Variants in CYP4F3 observed in about 807,000 individuals in gnomAD.
CYP4F3 encodes cytochrome P450 4F3.
Under a neutral mutation model 54.8 loss-of-function variants are expected in CYP4F3, and 50 were observed. The observed-to-expected ratio is 0.91, with a 90% CI of 0.73 to 1.16. The LOEUF (loss-of-function observed/expected upper bound fraction) is 1.16, where lower values mean the gene tolerates loss of function less well. Ranked by LOEUF, CYP4F3 falls within the 50% of genes most tolerant of loss-of-function variation. The pLI is 0.00. For missense variants in CYP4F3, 715 were observed against 676.2 expected, an observed-to-expected ratio of 1.06 and a Z score of -0.64; for synonymous variants, 244 against 262.6, an observed-to-expected ratio of 0.93 and a Z score of 0.69.
intron 5 of CYP4F3, among the ~76,000 whole-genome samples, chr19:15,648,668 A>G (rs1972699005): frequency 1.3e-5 from 2 of 152,288 alleles, no homozygotes; most frequent in Middle Eastern, 3.4e-3. Flanking sequence ...TGATACGAGT[A>G]TATATTGTCT....
In CYP4F3 at chr19:15,658,712, TG is replaced by T. The variant is rs1568404072; in HGVS notation, c.1315-13del. On this transcript the variant is annotated splice_polypyrimidine_tract_variant and intron_variant, in intron 11 of 12. Coordinates refer to ENST00000221307, the MANE Select transcript of CYP4F3 (RefSeq NM_000896.3). ...GGAGACCCCACCCGGCAACCCTTCT[TG>T]GTCTCGCCTCCAGGTCTATGACCCC... is the stretch of plus-strand genomic sequence containing the variant. 6.2e-7 allele frequency: 1 copy of T among 1,613,876 alleles called. No homozygotes were observed.
intron 2 of CYP4F3, among the ~76,000 whole-genome samples, chr19:15,643,586 G>A (rs1972538651): frequency 6.6e-6 from 1 of 152,152 alleles, no homozygotes; most frequent in African/African-American, 2.4e-5. Flanking sequence ...GACACTGGTT[G>A]TGTAACTGAG....
At chr19:15,654,133 T>C (rs1178699776) in intron 9 of CYP4F3, among the ~76,000 whole-genome samples, 1 of 152,166 alleles carries the variant, frequency 6.6e-6, no homozygotes, top group African/African-American at 2.4e-5. Context: ...TGTCTTGGAC[T>C]CAGTGTCCTC....
rs540277380 is a variant in CYP4F3 at position 15,649,080 on chromosome 19, G to T, written c.526-80G>T. Reference sequence around the variant, plus strand: ...AAGATGAAGAGGCTTATTCTGGGGCGTGCATATTGATTGTTGGGGTTGGAG... The same window carrying T: ...AAGATGAAGAGGCTTATTCTGGGGCTTGCATATTGATTGTTGGGGTTGGAG... On this transcript the variant is annotated intron_variant, in intron 5 of 12. Coordinates refer to ENST00000221307, the MANE Select transcript of CYP4F3 (RefSeq NM_000896.3). The T allele has an allele frequency of 1.3e-4, 209 of 1,587,826 alleles. No individual in the cohort carries two copies. In the African/African-American group the frequency reaches 2.1e-3, roughly 16 times the overall value.
intron 7 of CYP4F3, 132 bp downstream of exon 7, chr19:15,650,315 T>A: frequency 6.4e-7 from 1 of 1,563,652 alleles, no homozygotes; most frequent in Non-Finnish European, 8.7e-7. Context: ...GAGGGACAGG[T>A]CAGAGATAGG....
chr19:15,642,647 G>C (rs1384796064), intron 2 of CYP4F3, among the ~76,000 whole-genome samples: 6 of 152,222 alleles, frequency 3.9e-5, no homozygotes, highest in Non-Finnish European at 5.9e-5. Flanking sequence ...TCTGTGAGTG[G>C]ACAGTGTGTC....
rs1568397952 is a variant in CYP4F3, at chr19:15,650,722, T to TTCTTTCTCTCTTTCTTTC, written c.918+546_918+547insCTCTTTCTTTCTCTTTCT. Among the ~76,000 whole-genome samples, 6 of 46,730 alleles carry TTCTTTCTCTCTTTCTTTC rather than the reference T, an allele frequency of 1.3e-4. 1 individual carries two copies. The highest frequency in any genetic ancestry group is 5.0e-4 in the Admixed American group (2 of 4,008). 30.7% of individuals were successfully genotyped at this position (46,730 alleles called of 152,430 possible). ...TTTCTTTCTTTCTTTCTTTCTTTCTTTCTTTCTTTCTTTCTTTTCCTTCCT... is the reference window on the plus strand; with the variant it reads ...TTTCTTTCTTTCTTTCTTTCTTTCTTTCTTTCTCTCTTTCTTTCTCTTTCTTTCTTTCTTTTCCTTCCT... On this transcript the variant is annotated intron_variant, in intron 7 of 12. Transcript: ENST00000221307.
Position 15,662,509 on chromosome 19 carries a change from A to C in CYP4F3, c.*3124A>C, listed in dbSNP as rs1017910893. ...CTTCAACTACATTTTTTCCCCAATA[A>C]TTTTTGGCTATTCTGCTTCCTTTGT... On this transcript the variant is annotated 3_prime_UTR_variant, in exon 13 of 13. Transcript: ENST00000221307. The C allele has an allele frequency of 2.0e-5, 3 of 151,776 alleles. No individual in the cohort carries two copies. Among genetic ancestry groups the C allele is most frequent in the African/African-American group, 7.3e-5 (3 of 41,276 alleles). 9.4% of individuals were successfully genotyped at this position (151,776 alleles called of 1,614,324 possible).
intron 3 of CYP4F3, 48 bp from the exon 4 acceptor site, chr19:15,647,004 C>T (rs751349261): frequency 6.2e-7 from 1 of 1,609,134 alleles, no homozygotes; most frequent in Non-Finnish European, 8.5e-7. Flanking sequence ...CCCCAAAGTT[C>T]CTCCTTCACC....
In CYP4F3 at chr19:15,660,999, G is replaced by T. The variant is rs28371521; in HGVS notation, c.*1614G>T. The T allele has an allele frequency of 0.069, 10,509 of 152,202 alleles. 437 individuals are homozygous for T. Among genetic ancestry groups the T allele is most frequent in the South Asian group, 0.19 (926 of 4,816 alleles). The allele number at this position is 152,202 out of a possible 1,614,324, so 9.4% of individuals were successfully genotyped here. On this transcript the variant is annotated 3_prime_UTR_variant, in exon 13 of 13. Coordinates refer to ENST00000221307, the MANE Select transcript of CYP4F3 (RefSeq NM_000896.3). ...CCCAAAGTGCTGGGATTACAGGCCC[G>T]GTCCAGTTTGATAGTTTGTTATCAT...
At chr19:15,651,001 G>A (rs1020037985) in intron 7 of CYP4F3, among the ~76,000 whole-genome samples, 4 of 149,882 alleles carry the variant, frequency 2.7e-5, no homozygotes, top group Admixed American at 6.7e-5. Context: ...TCAGCCTCCC[G>A]AGTAGCTAGG....
chr19:15,651,647 A>G (rs918593526), intron 7 of CYP4F3, among the ~76,000 whole-genome samples: 1 of 151,124 alleles, frequency 6.6e-6, no homozygotes, highest in African/African-American at 2.4e-5. Flanking sequence ...GCACCCGGCC[A>G]TATTTTTGTC....
chr19:15,644,770 G>A (rs1972575439), intron 2 of CYP4F3, among the ~76,000 whole-genome samples: 1 of 152,180 alleles, frequency 6.6e-6, no homozygotes, highest in Non-Finnish European at 1.5e-5. Context: ...CCCTCTCCTT[G>A]ACCCCTGTGC....
intron 2 of CYP4F3, chr19:15,643,773 C>G: frequency 1.7e-6 from 2 of 1,179,004 alleles, no homozygotes; most frequent in Non-Finnish European, 2.2e-6. Flanking sequence ...CTCAGTTTAC[C>G]AAATTGAATG....
rs750565828 is a variant in CYP4F3, at chr19:15,650,023, G to C, written c.758G>C (p.Gly253Ala). The C allele has an allele frequency of 1.5e-5, 24 of 1,614,158 alleles. No individual in the cohort carries two copies. Among genetic ancestry groups the C allele is most frequent in the Non-Finnish European group, 1.8e-5 (21 of 1,180,022 alleles). ...IDFLYYLTPD[G>A]QRFRRACRLV... ...TTCCTGTATTATCTCACCCCTGATG[G>C]GCAGCGTTTCCGCAGGGCCTGCCGC... is the stretch of plus-strand genomic sequence containing the variant. Residue 253 changes from glycine (G) to alanine (A), a missense_variant, in exon 7 of 13, where the codon GGG (glycine) becomes GCG (alanine). By Grantham distance (60) the Gly-to-Ala change is moderately conservative. Coordinates refer to ENST00000221307, the MANE Select transcript of CYP4F3 (RefSeq NM_000896.3).
In CYP4F3 at chr19:15,647,266, A is replaced by G; in HGVS notation, c.467A>G (p.His156Arg). 1 of 1,614,174 alleles carries G rather than the reference A, an allele frequency of 6.2e-7. No individual in the cohort carries two copies. The highest frequency in any genetic ancestry group is 8.5e-7 in the Non-Finnish European group (1 of 1,180,024). ...CGTCGGATGCTGACGCCTGCCTTCC[A>G]TTTCAACATCCTGAAGCCCTATATG... The part of the protein sequence containing the change: ...RHRRMLTPAF[H>R]FNILKPYMKI... Residue 156 changes from histidine to arginine, a missense_variant, in exon 5 of 13, where the codon CAT (histidine) becomes CGT (arginine). Coordinates refer to ENST00000221307, the MANE Select transcript of CYP4F3 (RefSeq NM_000896.3).
At chr19:15,646,031 C>T (rs1972616087) in intron 3 of CYP4F3, among the ~76,000 whole-genome samples, 168 bp downstream of exon 3, 1 of 152,192 alleles carries the variant, frequency 6.6e-6, no homozygotes, top group Non-Finnish European at 1.5e-5. Flanking sequence ...TCTGTCTGAC[C>T]TCTGTTCCTG....
At chr19:15,650,254 T>G in intron 7 of CYP4F3, 71 bp downstream of exon 7, 2 of 1,613,716 alleles carry the variant, frequency 1.2e-6, no homozygotes, top group South Asian at 1.1e-5. Flanking sequence ...TGAAAGAATT[T>G]GAACTTGACC....
Position 15,650,147 on chromosome 19 carries a change from G to T in CYP4F3, c.882G>T (p.Lys294Asn). 6.2e-7 allele frequency: 1 copy of T among 1,614,216 alleles called. No homozygotes were observed. The highest frequency in any genetic ancestry group is 8.5e-7 in the Non-Finnish European group (1 of 1,180,046). The change falls in exon 7 of 13, where the codon AAG (lysine) becomes AAT (asparagine). Residue 294 changes from lysine (K) to asparagine (N), a missense_variant. Lys to Asn is a moderately conservative substitution (Grantham distance 94). Transcript: ENST00000221307. ...TCCTCCAAGCCAAGGCCAAATCCAA[G>T]ACTTTGGACTTCATTGATGTACTCC... ...DDFLQAKAKS[K>N]TLDFIDVLLL...
Sources: allele counts gnomAD v4.1 joint callset (sites outside exome capture counted in the v4.1 genomes callset), GRCh38; gene constraint gnomAD v4.1.1; transcripts MANE v1.5; gene names NCBI Gene and HGNC (gene_info 2026-07-23, HGNC 2026-07-21).